The following PAPOLA variants were observed in gnomAD, a reference collection of about 807,000 sequenced individuals.
PAPOLA encodes polynucleotide adenylyltransferase alpha.
Under a neutral mutation model 100.6 loss-of-function variants are expected in PAPOLA, and 15 were observed. The observed-to-expected ratio is 0.15, with a 90% CI of 0.10 to 0.23. PAPOLA has a LOEUF of 0.23. Ranked by LOEUF, PAPOLA falls within the 10% of genes least tolerant of loss-of-function variation. The pLI is 1.00. For synonymous variants in PAPOLA, 293 were observed against 300.0 expected (o/e 0.98, Z 0.24); for missense variants, 533 against 884.2 (o/e 0.60, Z 5.04).
At chr14:96,562,013 G>A (rs1901889688) in intron 20 of PAPOLA, among the ~76,000 whole-genome samples, 1 of 151,792 alleles carries the variant, frequency 6.6e-6, no homozygotes, top group Non-Finnish European at 1.5e-5. Context: ...TTCTGCCTCA[G>A]CCTCCCGAGT....
intron 7 of PAPOLA, 116 bp downstream of exon 7, chr14:96,531,702 T>C (rs1257780541): frequency 2.0e-6 from 3 of 1,518,086 alleles, no homozygotes; most frequent in Non-Finnish European, 2.6e-6. Flanking sequence ...AGTAGTGAGT[T>C]AAATAAAATG....
intron 16 of PAPOLA, among the ~76,000 whole-genome samples, 188 bp from the exon 17 acceptor site, chr14:96,552,292 C>A (rs1478998657): frequency 6.6e-6 from 1 of 152,120 alleles, no homozygotes; most frequent in Non-Finnish European, 1.5e-5. Context: ...AATGTTGATG[C>A]CTTCTTAGAA....
chr14:96,555,697 G>A (rs1288442471), intron 17 of PAPOLA, 150 bp from the exon 18 acceptor site: 1 of 438,350 alleles, frequency 2.3e-6, no homozygotes, highest in Admixed American at 3.9e-5. Context: ...ATCCAATAAA[G>A]TCAGTTGCTA....
intron 1 of PAPOLA, among the ~76,000 whole-genome samples, chr14:96,509,322 A>G (rs934076026): frequency 1.8e-4 from 28 of 152,216 alleles, no homozygotes; most frequent in African/African-American, 6.8e-4. Context: ...TCATGCCACC[A>G]TGCCTGGCCA....
chr14:96,532,805 A>G, intron 9 of PAPOLA, 156 bp downstream of exon 9: 1 of 1,344,610 alleles, frequency 7.4e-7, no homozygotes, highest in East Asian at 2.8e-5. Flanking sequence ...ATAAAATGGC[A>G]AACTGAAACT....
intron 14 of PAPOLA, 142 bp downstream of exon 14, chr14:96,543,035 T>A: frequency 2.3e-6 from 2 of 854,266 alleles, no homozygotes; most frequent in Non-Finnish European, 3.6e-6. Flanking sequence ...ATAATTTAGT[T>A]TTTCCTGATC....
intron 2 of PAPOLA, 97 bp downstream of exon 2, chr14:96,520,325 G>T (rs1248152882): frequency 6.7e-6 from 6 of 893,236 alleles, no homozygotes; most frequent in Non-Finnish European, 6.8e-6. Context: ...GAAGACCAGG[G>T]TTATTTGCCC....
rs1170631491 is a variant in PAPOLA at position 96,527,547 on chromosome 14, A to G, written c.441+8A>G. The G allele has an allele frequency of 7.2e-7, 1 of 1,395,602 alleles. No homozygotes were observed. Among genetic ancestry groups the G allele is most frequent in the Non-Finnish European group, 1.0e-6 (1 of 981,298 alleles). The allele number at this position is 1,395,602 out of a possible 1,614,324, so 86.5% of individuals were successfully genotyped here. A position where few individuals can be genotyped will look rare whatever the true frequency, so the allele number is the denominator to read the frequency against. ...GAAGTAAAAGATTTAAGAGTGCGTA[A>G]ATGTTCGGGGTGAAATGGGATGAGT... On this transcript the variant is annotated splice_region_variant and intron_variant, in intron 5 of 21. Coordinates refer to ENST00000216277, the MANE Select transcript of PAPOLA (RefSeq NM_032632.5).
Position 96,532,344 on chromosome 14 carries a change from C to T in PAPOLA, c.621C>T (p.Thr207=), listed in dbSNP as rs368898904. 15 of 1,610,898 alleles carry T rather than the reference C, an allele frequency of 9.3e-6. No individual in the cohort carries two copies. The highest frequency in any genetic ancestry group is 1.6e-4 in the Middle Eastern group (1 of 6,068). Residue 207 remains threonine (T), a synonymous_variant, in exon 8 of 22, where the codon ACC becomes ACT. Transcript: ENST00000216277. The part of the protein sequence containing the change: ...CIRSLNGCRV[T]DEILHLVPNI... The stretch of plus-strand genomic sequence containing the variant: ...CCTATTAATTAGGTTGCAGGGTAAC[C>T]GATGAAATTTTACATCTAGTACCAA...
intron 1 of PAPOLA, among the ~76,000 whole-genome samples, chr14:96,518,440 G>A (rs1366212242): frequency 6.7e-6 from 1 of 150,292 alleles, no homozygotes; most frequent in Non-Finnish European, 1.5e-5. Flanking sequence ...ACGGAGTCTC[G>A]CTCTGTCCCC....
intron 6 of PAPOLA, among the ~76,000 whole-genome samples, chr14:96,529,986 A>G (rs1566847011): frequency 6.6e-6 from 1 of 152,238 alleles, no homozygotes; most frequent in East Asian, 1.9e-4. Flanking sequence ...TTGGAAAAAC[A>G]TACTGTAGTA....
At chr14:96,536,048 C>G (rs1173296075) in intron 11 of PAPOLA, 49 bp downstream of exon 11, 1 of 1,366,652 alleles carries the variant, frequency 7.3e-7, no homozygotes, top group Non-Finnish European at 9.7e-7. Flanking sequence ...GATTTACGTA[C>G]CATTGTAGAC....
intron 15 of PAPOLA, among the ~76,000 whole-genome samples, chr14:96,544,780 A>G (rs1228650769): frequency 6.6e-6 from 1 of 152,076 alleles, no homozygotes; most frequent in African/African-American, 2.4e-5. Context: ...AACTGCCTTC[A>G]TCATCTTGAA....
At chr14:96,562,589 G>T in intron 20 of PAPOLA, 1 of 337,932 alleles carries the variant, frequency 3.0e-6, no homozygotes, top group Non-Finnish European at 5.6e-6. Flanking sequence ...GAGCTAGTTT[G>T]ACCCATGCCT....
rs1555396726 is a variant in PAPOLA at position 96,559,581 on chromosome 14, CTA to C, written c.2005-1053_2005-1052del. 9.1e-4 allele frequency among the ~76,000 whole-genome samples: 109 copies of C among 120,160 alleles called. 1 individual carries two copies. Among genetic ancestry groups the C allele is most frequent in the East Asian group, 4.9e-3 (22 of 4,472 alleles). The allele number at this position is 120,160 out of a possible 152,430, so 78.8% of individuals were successfully genotyped here. Reference sequence around the variant, plus strand: ...TCTCTCTCTCTCTCTCTCTCTCTCTCTATATATATATATATACACACACACAT... The same window carrying C: ...TCTCTCTCTCTCTCTCTCTCTCTCTCTATATATATATATACACACACACAT... On this transcript the variant is annotated intron_variant, in intron 19 of 21. Coordinates refer to ENST00000216277, the MANE Select transcript of PAPOLA (RefSeq NM_032632.5).
At chr14:96,540,352 A>G (rs1899879653) in intron 12 of PAPOLA, among the ~76,000 whole-genome samples, 1 of 149,892 alleles carries the variant, frequency 6.7e-6, no homozygotes, top group Non-Finnish European at 1.5e-5. Context: ...TCTATACTTC[A>G]TTGTCTCCTG....
intron 3 of PAPOLA, among the ~76,000 whole-genome samples, chr14:96,523,728 A>T (rs1285600244): frequency 6.6e-6 from 1 of 152,214 alleles, no homozygotes; most frequent in Non-Finnish European, 1.5e-5. Context: ...GCTTATCACG[A>T]GGTCAAGAGT....
chr14:96,533,331 T>G (rs1899207848), intron 9 of PAPOLA: 1 of 983,576 alleles, frequency 1.0e-6, no homozygotes, highest in Non-Finnish European at 1.2e-6. Flanking sequence ...ATTCCTGTTC[T>G]TATGAACTCC....
chr14:96,529,300 A>T (rs959664496), intron 6 of PAPOLA, among the ~76,000 whole-genome samples: 2 of 152,084 alleles, frequency 1.3e-5, no homozygotes, highest in African/African-American at 4.8e-5. Context: ...AGACTTTGAA[A>T]TCTGTTCTTT....
Sources: allele counts gnomAD v4.1 joint callset (sites outside exome capture counted in the v4.1 genomes callset), GRCh38; gene constraint gnomAD v4.1.1; transcripts MANE v1.5; gene names NCBI Gene and HGNC (gene_info 2026-07-23, HGNC 2026-07-21).